Variants in BANF2 observed in about 807,000 individuals in gnomAD.
BANF2 encodes barrier-to-autointegration factor-like protein.
A neutral mutation model predicts 8.0 loss-of-function variants in BANF2; 4 were observed. That is an observed-to-expected ratio of 0.50 (90% CI 0.25 to 1.14). The LOEUF (loss-of-function observed/expected upper bound fraction) is 1.14. BANF2 is among the 50% of genes most tolerant of loss of function. BANF2 has a pLI of 0.16. For synonymous variants in BANF2, 50 were observed against 40.6 expected (o/e 1.23, Z -0.88); for missense variants, 96 against 107.5 (o/e 0.89, Z 0.47).
At chr20:17,735,001 C>A (rs1023898533) in intron 3 of BANF2, among the ~76,000 whole-genome samples, 4 of 152,118 alleles carry the variant, frequency 2.6e-5, no homozygotes, top group Non-Finnish European at 4.4e-5. Context: ...GCAGGAGAAT[C>A]GCTTGAGGCG....
chr20:17,706,187 T>A (rs2037479477), intron 1 of BANF2, among the ~76,000 whole-genome samples: 2 of 152,118 alleles, frequency 1.3e-5, no homozygotes, highest in South Asian at 4.1e-4. Context: ...AGGGTGAAGG[T>A]TCCTAGAGCC....
At chr20:17,720,220 A>G (rs967771781) in intron 1 of BANF2, among the ~76,000 whole-genome samples, 1 of 152,212 alleles carries the variant, frequency 6.6e-6, no homozygotes, top group African/African-American at 2.4e-5. Flanking sequence ...TGATGCAGCA[A>G]TTTCACTTCT....
At chr20:17,719,650 T>C (rs1049530883) in intron 1 of BANF2, among the ~76,000 whole-genome samples, 1 of 150,380 alleles carries the variant, frequency 6.6e-6, no homozygotes, top group Non-Finnish European at 1.5e-5. Flanking sequence ...GAATTCCAGG[T>C]ATAATTTCCT....
chr20:17,728,827 C>T (rs939597118), intron 3 of BANF2, among the ~76,000 whole-genome samples: 9 of 152,206 alleles, frequency 5.9e-5, no homozygotes, highest in South Asian at 2.1e-4. Flanking sequence ...AGACAGCGGC[C>T]GCAGGTACCT....
intron 1 of BANF2, among the ~76,000 whole-genome samples, chr20:17,717,551 C>G (rs891304032): frequency 6.6e-6 from 1 of 151,980 alleles, no homozygotes; most frequent in Non-Finnish European, 1.5e-5. Flanking sequence ...GGCTAGTTTC[C>G]CTATATGGTC....
At chr20:17,734,634 T>C (rs1199812893) in intron 3 of BANF2, among the ~76,000 whole-genome samples, 1 of 152,118 alleles carries the variant, frequency 6.6e-6, no homozygotes. Flanking sequence ...CATTTGGCAA[T>C]GTTTGGGGAT....
intron 1 of BANF2, among the ~76,000 whole-genome samples, chr20:17,701,598 AC>A (rs769453136): frequency 9.2e-5 from 14 of 152,130 alleles, no homozygotes; most frequent in Non-Finnish European, 1.8e-4. Context: ...GGACCAAAAG[AC>A]CTTTAAAGGC....
intron 1 of BANF2, chr20:17,712,582 C>T (rs2037589874): frequency 1.0e-6 from 1 of 955,770 alleles, no homozygotes; most frequent in Non-Finnish European, 1.2e-6. Flanking sequence ...GTTCATCTTT[C>T]TTTTCTCTTC....
chr20:17,707,208 C>T (rs545418105), intron 1 of BANF2, among the ~76,000 whole-genome samples: 1 of 145,816 alleles, frequency 6.9e-6, no homozygotes, highest in East Asian at 2.0e-4. Context: ...ACAGTGAAAC[C>T]CCATCTCTAC....
upstream of BANF2, among the ~76,000 whole-genome samples, chr20:17,698,650 C>T (rs561071413): frequency 3.3e-5 from 5 of 152,290 alleles, no homozygotes; most frequent in South Asian, 6.2e-4. Flanking sequence ...CAGCAGCTGG[C>T]AAAAGCCCCC....
chr20:17,716,031 C>T (rs1240856388), intron 1 of BANF2, among the ~76,000 whole-genome samples: 1 of 152,098 alleles, frequency 6.6e-6, no homozygotes, highest in African/African-American at 2.4e-5. Context: ...AGTTCCCACC[C>T]GCCGAGCAGC....
At chr20:17,717,437 T>C (rs2037670826) in intron 1 of BANF2, among the ~76,000 whole-genome samples, 1 of 152,016 alleles carries the variant, frequency 6.6e-6, no homozygotes, top group African/African-American at 2.4e-5. Context: ...TGTCAGTGCT[T>C]TGAATATACG....
intron 1 of BANF2, among the ~76,000 whole-genome samples, chr20:17,717,274 C>T (rs549678558): frequency 4.9e-4 from 75 of 152,226 alleles, no homozygotes; most frequent in African/African-American, 1.6e-3. Context: ...CACCCTCATG[C>T]TCTCCCCGCT....
chr20:17,713,216 C>T (rs2037601744), intron 1 of BANF2, among the ~76,000 whole-genome samples: 1 of 151,980 alleles, frequency 6.6e-6, no homozygotes, highest in Non-Finnish European at 1.5e-5. Flanking sequence ...TATGATTGCA[C>T]TCCGGCCTGG....
At chr20:17,733,906 G>C (rs2037938484) in intron 3 of BANF2, among the ~76,000 whole-genome samples, 1 of 152,148 alleles carries the variant, frequency 6.6e-6, no homozygotes. Flanking sequence ...GATGAAGTTT[G>C]CTTTATTTTA....
At chr20:17,722,298 G>A (rs1317628741) in intron 1 of BANF2, among the ~76,000 whole-genome samples, 2 of 152,230 alleles carry the variant, frequency 1.3e-5, no homozygotes, top group African/African-American at 4.8e-5. Context: ...CTGATGCATT[G>A]ATAGCAATGT....
At chr20:17,726,834 T>G (rs573883316) in intron 3 of BANF2, among the ~76,000 whole-genome samples, 56 of 152,398 alleles carry the variant, frequency 3.7e-4, no homozygotes, top group African/African-American at 1.3e-3. Context: ...TAAGGTATAA[T>G]TGACATACAT....
upstream of BANF2, among the ~76,000 whole-genome samples, chr20:17,695,984 G>C (rs986987097): frequency 3.3e-5 from 5 of 152,148 alleles, no homozygotes; most frequent in African/African-American, 1.2e-4. Context: ...GGTTTATCAT[G>C]TCATCATATA....
upstream of BANF2, among the ~76,000 whole-genome samples, chr20:17,699,049 A>C (rs2037375884): frequency 6.6e-6 from 1 of 152,202 alleles, no homozygotes; most frequent in Non-Finnish European, 1.5e-5. Context: ...CCCAGACCTA[A>C]TGAGTCAGAA....
Sources: allele counts gnomAD v4.1 joint callset (sites outside exome capture counted in the v4.1 genomes callset), GRCh38; gene constraint gnomAD v4.1.1; transcripts MANE v1.5; gene names NCBI Gene and HGNC (gene_info 2026-07-23, HGNC 2026-07-21).